The following KLHL29 variants were observed in gnomAD, a reference collection of about 807,000 sequenced individuals.
The protein encoded by KLHL29 is kelch-like protein 29.
KLHL29 carries 21 observed loss-of-function variants against 80.4 expected under a neutral mutation model. The ratio of observed to expected loss-of-function variants is 0.26; its 90% CI spans 0.19 to 0.38. KLHL29 has a LOEUF of 0.38. KLHL29 is among the 10% of genes least tolerant of loss of function. KLHL29 has a pLI of 1.00. For missense variants in KLHL29, 867 were observed against 1,223.9 expected (o/e 0.71, Z 4.35); for synonymous variants, 511 against 526.8 (o/e 0.97, Z 0.41).
rs1671863222 is a variant in KLHL29, at chr2:23,695,028, CAG to C, written c.1543-592_1543-591del. 6.6e-6 allele frequency among the ~76,000 whole-genome samples: 1 copy of C among 152,126 alleles called. No individual in the cohort carries two copies. Among genetic ancestry groups the C allele is most frequent in the Non-Finnish European group, 1.5e-5 (1 of 68,040 alleles). The stretch of plus-strand genomic sequence containing the variant: ...GATGAAACGAAAGTAGAGTGATGAG[CAG>C]AGTTTGTTAGGAGGGGAGATTCAAG... On this transcript the variant is annotated intron_variant, in intron 8 of 13. Coordinates refer to ENST00000486442, the MANE Select transcript of KLHL29 (RefSeq NM_052920.2). The surrounding 1 kb of genome is among the most constrained non-coding windows in gnomAD (Gnocchi z 7.6).
At chr2:23,551,732 G>A (rs552771966) in intron 2 of KLHL29, among the ~76,000 whole-genome samples, 6 of 152,324 alleles carry the variant, frequency 3.9e-5, no homozygotes, top group South Asian at 2.1e-4. Flanking sequence ...AGGCTGGTGC[G>A]TCTCAAACTT....
intron 2 of KLHL29, among the ~76,000 whole-genome samples, chr2:23,554,499 C>T (rs1024001435): frequency 2.6e-5 from 4 of 152,294 alleles, no homozygotes; most frequent in South Asian, 2.1e-4. Context: ...CCCACTCCTT[C>T]GGCGTGTCTT....
rs1368183660 is a variant in KLHL29, at chr2:23,590,105, G to C, written c.285+27624G>C. ...AGACAAAAGCAGAGGCCTAGAGAGG[G>C]AAGGGAGACGTTCAAGGTCACACAG... On this transcript the variant is annotated intron_variant, in intron 3 of 13. Transcript: ENST00000486442. Among the ~76,000 whole-genome samples the C allele has an allele frequency of 3.3e-5, 5 of 152,256 alleles. No homozygotes were observed. In the East Asian group the frequency reaches 9.6e-4, roughly 29 times the overall value.
chr2:23,524,079 T>C (rs1666202146), intron 2 of KLHL29: 1 of 470,964 alleles, frequency 2.1e-6, no homozygotes, highest in South Asian at 1.5e-5. Flanking sequence ...CATCTAGGGT[T>C]TTTTCTCCCC....
intron 1 of KLHL29, among the ~76,000 whole-genome samples, chr2:23,467,449 T>C (rs1415760247): frequency 6.6e-6 from 1 of 152,260 alleles, no homozygotes; most frequent in Non-Finnish European, 1.5e-5. Flanking sequence ...CTGTAGTTTA[T>C]TTTTAAATGA....
chr2:23,633,756 CGTGTGTGTGTGTGTGTGT>C (rs1181808728), intron 3 of KLHL29, among the ~76,000 whole-genome samples: 2 of 147,128 alleles, frequency 1.4e-5, no homozygotes, highest in Admixed American at 6.7e-5. Flanking sequence ...TCACAGCACT[CGTGTGTGTGTGTGTGTGT>C]GTGTGTGTGT....
chr2:23,520,996 C>G (rs994151754), intron 2 of KLHL29, among the ~76,000 whole-genome samples: 4 of 151,380 alleles, frequency 2.6e-5, no homozygotes, highest in Non-Finnish European at 5.9e-5. Flanking sequence ...AAGACCACCC[C>G]CCCCCCCGCT....
rs1484157524 is a variant in KLHL29, at chr2:23,442,824, C to T, written c.-153-32736C>T. On this transcript the variant is annotated intron_variant, in intron 1 of 13. Coordinates refer to ENST00000486442, the MANE Select transcript of KLHL29 (RefSeq NM_052920.2). ...TTGGTTGGGGGTGTCACCAAAGTAA[C>T]AGTCCATTATTCAAACTGGCAGACA... 5.3e-5 allele frequency among the ~76,000 whole-genome samples: 8 copies of T among 152,280 alleles called. No homozygotes were observed. The South Asian group carries it at 1.5e-3, about 28-fold the overall frequency.
At chr2:23,687,671 C>T (rs1276611468) in intron 6 of KLHL29, among the ~76,000 whole-genome samples, 1 of 152,114 alleles carries the variant, frequency 6.6e-6, no homozygotes, top group Non-Finnish European at 1.5e-5. Flanking sequence ...CAGAGAGGCT[C>T]CTTGGAGAGG....
At chr2:23,527,053 A>G (rs1315419559) in intron 2 of KLHL29, among the ~76,000 whole-genome samples, 1 of 152,088 alleles carries the variant, frequency 6.6e-6, no homozygotes, top group Non-Finnish European at 1.5e-5. Context: ...CCTGCTAGGA[A>G]GCTAGGATGG....
intron 3 of KLHL29, among the ~76,000 whole-genome samples, chr2:23,576,734 C>T (rs1350771578): frequency 6.6e-6 from 1 of 152,200 alleles, no homozygotes; most frequent in African/African-American, 2.4e-5. Flanking sequence ...ACCGCCGCGT[C>T]CAGCAATGGA....
At chr2:23,426,437 G>A (rs1305094050) in intron 1 of KLHL29, among the ~76,000 whole-genome samples, 2 of 152,210 alleles carry the variant, frequency 1.3e-5, no homozygotes, top group Non-Finnish European at 2.9e-5. Flanking sequence ...ACTGAGGGGA[G>A]GCCCCTCTTC....
At position 23,706,582 on chromosome 2, in the gene KLHL29, C is replaced by T; in HGVS notation, c.2546C>T (p.Thr849Ile). The part of the protein sequence containing the change: ...NMEAYEPTTN[T>I]WTLLPHMPCP... ...GAGGCCTACGAGCCCACAACCAACACATGGACCCTCCTCCCCCACATGCCC... is the reference window on the plus strand; with the variant it reads ...GAGGCCTACGAGCCCACAACCAACATATGGACCCTCCTCCCCCACATGCCC... The change falls in exon 14 of 14, where the codon ACA (threonine) becomes ATA (isoleucine). Residue 849 changes from threonine (T) to isoleucine (I), a missense_variant. By Grantham distance (89) the Thr-to-Ile change is moderately conservative. Around this residue, in one of 2 missense-constraint regions of KLHL29, gnomAD observed 443 missense variants for 767.0 expected, o/e 0.58. Coordinates refer to ENST00000486442, the MANE Select transcript of KLHL29 (RefSeq NM_052920.2). The T allele has an allele frequency of 1.3e-6, 2 of 1,537,190 alleles. No individual in the cohort carries two copies. Among genetic ancestry groups the T allele is most frequent in the South Asian group, 2.4e-5 (2 of 84,020 alleles).
intron 3 of KLHL29, among the ~76,000 whole-genome samples, chr2:23,569,830 A>T (rs1667674290): frequency 6.6e-6 from 1 of 152,230 alleles, no homozygotes; most frequent in Non-Finnish European, 1.5e-5. Context: ...GAATGTCCTC[A>T]ATGAAACCAG....
At chr2:23,643,056 A>G (rs2149159160) in intron 5 of KLHL29, 2 of 715,432 alleles carry the variant, frequency 2.8e-6, no homozygotes, top group Non-Finnish European at 5.0e-6. Flanking sequence ...GGCGGGACAA[A>G]CAAAGTGGGA....
At chr2:23,410,271 G>A (rs968317838) in intron 1 of KLHL29, among the ~76,000 whole-genome samples, 5 of 152,074 alleles carry the variant, frequency 3.3e-5, no homozygotes, top group East Asian at 1.9e-4. Context: ...AGAGGACTGC[G>A]GGAGTCCAGG....
At chr2:23,556,414 G>A (rs561097577) in intron 2 of KLHL29, among the ~76,000 whole-genome samples, 80 of 152,142 alleles carry the variant, frequency 5.3e-4, no homozygotes, top group African/African-American at 1.8e-3. Context: ...CAAAGTGGGC[G>A]GATCACTTGA....
intron 3 of KLHL29, among the ~76,000 whole-genome samples, chr2:23,618,722 A>G (rs1005928913): frequency 6.6e-6 from 1 of 152,156 alleles, no homozygotes; most frequent in African/African-American, 2.4e-5. Context: ...TATAATTTCT[A>G]TGCTATTAGT....
At chr2:23,427,172 C>T (rs915325651) in intron 1 of KLHL29, among the ~76,000 whole-genome samples, 5 of 152,176 alleles carry the variant, frequency 3.3e-5, no homozygotes, top group African/African-American at 9.7e-5. Context: ...TGGCTAATTG[C>T]ACAGCCGAAA....
Sources: gnomAD v4.1 joint callset for allele counts (sites outside exome capture counted in the v4.1 genomes callset) on GRCh38, gnomAD v4.1.1 for gene constraint, gnomAD v4.1.1 regional missense constraint, Gnocchi (gnomAD v3.1) non-coding constraint, MANE v1.5 for transcripts, NCBI Gene and HGNC (gene_info 2026-07-23, HGNC 2026-07-21) for gene names.